Variants in AK9 observed in about 807,000 individuals in gnomAD.
The protein encoded by AK9 is adenylate kinase domain containing 1.
A neutral mutation model predicts 239.6 loss-of-function variants in AK9; 191 were observed. The observed-to-expected ratio is 0.80, with a 90% CI of 0.71 to 0.90. The LOEUF (loss-of-function observed/expected upper bound fraction) is 0.90. Among genes scored for constraint, AK9 ranks in the 40% least tolerant of loss-of-function variants. AK9 has a pLI of 0.00. For synonymous variants in AK9, 689 were observed against 721.0 expected, an observed-to-expected ratio of 0.96 and a Z score of 0.71; for missense variants, 1,995 against 2,214.7, an observed-to-expected ratio of 0.90 and a Z score of 1.99.
rs1284728894 is a variant in AK9, at chr6:109,545,974, G to T, written c.3118C>A (p.Pro1040Thr). 1.2e-6 allele frequency: 2 copies of T among 1,614,014 alleles called. No individual in the cohort carries two copies. The highest frequency in any genetic ancestry group is 2.7e-5 in the African/African-American group (2 of 74,906). The change falls in exon 26 of 41, where the codon CCT (proline) becomes ACT (threonine). Residue 1040 changes from proline to threonine, a missense_variant. By Grantham distance (38) the Pro-to-Thr change is conservative (BLOSUM62 -1). Transcript: ENST00000424296. ...LLLKTEKKVG[P>T]EFEEDSENEQ... ...TTCTCAGAATCTTCCTCAAATTCAGGTCCCACTTTCTTTTCAGTTTTGAGT... is the reference window on the plus strand; with the variant it reads ...TTCTCAGAATCTTCCTCAAATTCAGTTCCCACTTTCTTTTCAGTTTTGAGT...
chr6:109,506,332 T>C lies in AK9; in HGVS notation c.4844A>G (p.Lys1615Arg). 4 of 1,613,098 alleles carry C rather than the reference T, an allele frequency of 2.5e-6. No individual in the cohort carries two copies. Among genetic ancestry groups the C allele is most frequent in the Non-Finnish European group, 3.4e-6 (4 of 1,179,620 alleles). Residue 1615 changes from lysine (K) to arginine (R), a missense_variant, in exon 35 of 41, where the codon AAA becomes AGA. This residue lies in a region of AK9 where 391 missense variants were observed against 456.0 expected (regional missense o/e 0.86). Transcript: ENST00000424296. Reference protein sequence around the residue: ...KYMQTYLERIKAGKAACIDKL... With the variant: ...KYMQTYLERIRAGKAACIDKL... ...CTTAAAAAGTGCTATCTTACCTGCT[T>C]TTATTCTTTCCAGGTATGTCTGCAT...
chr6:109,571,001 C>T (rs749748288), intron 21 of AK9, among the ~76,000 whole-genome samples: 11 of 152,092 alleles, frequency 7.2e-5, no homozygotes, highest in Non-Finnish European at 1.3e-4. Flanking sequence ...GCAATGTCAA[C>T]ATGAGGAATT....
rs143248755 is a variant in AK9, at chr6:109,602,479, C to A, written c.1842+7886G>T. Among the ~76,000 whole-genome samples, 16 of 152,134 alleles carry A rather than the reference C, an allele frequency of 1.1e-4. No homozygotes were observed. The East Asian group carries it at 2.9e-3, about 28-fold the overall frequency. On this transcript the variant is annotated intron_variant, in intron 17 of 40. Coordinates refer to ENST00000424296, the MANE Select transcript of AK9 (RefSeq NM_001145128.3). ...GGTGGGCTTCTCTTTGTGGGTAACC[C>A]GACCTTTCTCTCTGGCTGCCCTTAA...
chr6:109,686,144 G>C (rs1221068808), intron 1 of AK9, among the ~76,000 whole-genome samples: 1 of 152,188 alleles, frequency 6.6e-6, no homozygotes, highest in African/African-American at 2.4e-5. Context: ...GGACTCTCCT[G>C]CTGTTTGAGA....
At chr6:109,548,149 T>C (rs1023741936) in intron 25 of AK9, among the ~76,000 whole-genome samples, 1 of 152,208 alleles carries the variant, frequency 6.6e-6, no homozygotes, top group Non-Finnish European at 1.5e-5. Flanking sequence ...GAAAACAGTA[T>C]GGAATTTTCT....
chr6:109,550,931 C>T (rs555380835), intron 24 of AK9, among the ~76,000 whole-genome samples: 7 of 151,958 alleles, frequency 4.6e-5, no homozygotes, highest in Non-Finnish European at 1.0e-4. Flanking sequence ...AAACACATCA[C>T]AATGTATAAA....
At position 109,614,179 on chromosome 6, in the gene AK9, T is replaced by C. The variant is rs1238021741; in HGVS notation, c.1609+4A>G. The stretch of plus-strand genomic sequence containing the variant: ...AACGTGGGATTAGCAGTTCACTTTG[T>C]TACCATCTTTATCAACTTTAGCAGC... On this transcript the variant is annotated splice_donor_region_variant and intron_variant, in intron 15 of 40. Transcript: ENST00000424296. The C allele has an allele frequency of 6.5e-7, 1 of 1,549,264 alleles. No homozygotes were observed. The highest frequency in any genetic ancestry group is 8.7e-7 in the Non-Finnish European group (1 of 1,144,914).
chr6:109,511,956 T>C (rs1186320395), intron 32 of AK9, among the ~76,000 whole-genome samples: 1 of 152,206 alleles, frequency 6.6e-6, no homozygotes, highest in Non-Finnish European at 1.5e-5. Context: ...AATATCATTA[T>C]CTTTGTGAAC....
rs373387914 is a variant in AK9, at chr6:109,679,614, G to A, written c.-11-3858C>T. ...AGTGCTTGAGCTCTGCTAAGGGTCA[G>A]ACTGCCTCCTGAAGTGGGTCCCTGA... On this transcript the variant is annotated intron_variant, in intron 1 of 40. Transcript: ENST00000424296. 1.6e-4 allele frequency among the ~76,000 whole-genome samples: 25 copies of A among 152,298 alleles called. No individual in the cohort carries two copies. The South Asian group carries it at 1.9e-3, about 11-fold the overall frequency.
chr6:109,494,759 T>TA (rs1416653987), intron 39 of AK9, among the ~76,000 whole-genome samples: 1 of 152,082 alleles, frequency 6.6e-6, no homozygotes, highest in Admixed American at 6.5e-5. Context: ...AGACTTTTTT[T>TA]AAAAAAAGCT....
At position 109,535,764 on chromosome 6, in the gene AK9, T is replaced by C. The variant is rs557020346; in HGVS notation, c.3351-2294A>G. On this transcript the variant is annotated intron_variant, in intron 27 of 40. Transcript: ENST00000424296. ...GTCTAACATTTAAGTCTTTAATCCA[T>C]CTTGAATTAATTTTTGTATAAGATG... 1.6e-4 allele frequency among the ~76,000 whole-genome samples: 25 copies of C among 152,342 alleles called. 1 individual carries two copies. Among genetic ancestry groups the C allele is most frequent in the Admixed American group, 1.3e-3 (20 of 15,304 alleles).
chr6:109,603,262 C>T (rs1486490689), intron 17 of AK9, among the ~76,000 whole-genome samples: 1 of 152,044 alleles, frequency 6.6e-6, no homozygotes, highest in African/African-American at 2.4e-5. Flanking sequence ...TGTGGGTGTC[C>T]TTTCTGTTTG....
chr6:109,528,708 G>A (rs1169488775), intron 29 of AK9: 1 of 493,926 alleles, frequency 2.0e-6, no homozygotes, highest in East Asian at 6.0e-5. Context: ...CTTGTAGCAA[G>A]TTGTATTTTC....
chr6:109,623,862 GACACACACACACACACACAC>G (rs567410173), intron 12 of AK9, among the ~76,000 whole-genome samples: 1 of 136,122 alleles, frequency 7.3e-6, no homozygotes, highest in Non-Finnish European at 1.6e-5. Flanking sequence ...AGGAATCTTA[GACACACACACACACACACAC>G]ACACACACAC....
chr6:109,675,096 T>C (rs1482534715), intron 2 of AK9, among the ~76,000 whole-genome samples: 6 of 151,918 alleles, frequency 3.9e-5, no homozygotes, highest in Non-Finnish European at 7.4e-5. Context: ...GGATCTCAGA[T>C]ATTAACAGGA....
chr6:109,495,982 TAAA>T (rs77612648), intron 38 of AK9, among the ~76,000 whole-genome samples: 2 of 141,892 alleles, frequency 1.4e-5, no homozygotes, highest in African/African-American at 2.6e-5. Context: ...ATTCCCCATT[TAAA>T]AAAAAAAAAA....
chr6:109,506,757 G>T lies in AK9; in HGVS notation c.4525C>A (p.Leu1509Ile), dbSNP rs963162791. The T allele has an allele frequency of 1.0e-4, 155 of 1,524,444 alleles. No individual in the cohort carries two copies. Among genetic ancestry groups the T allele is most frequent in the Non-Finnish European group, 1.3e-4 (150 of 1,128,044 alleles). The allele number at this position is 1,524,444 out of a possible 1,614,324, so 94.4% of individuals were successfully genotyped here. ...GGAATGATTGACCTAGCTTCCAAGA[G>T]ATTCATTTGATGTTTAGTTACAGGA... The part of the protein sequence containing the change: ...GYPVTKHQMN[L>I]LEARSIIPMV... The change falls in exon 34 of 41, where the codon CTC (leucine) becomes ATC (isoleucine). Residue 1509 changes from leucine to isoleucine, a missense_variant. By Grantham distance (5) the Leu-to-Ile change is conservative. Coordinates refer to ENST00000424296, the MANE Select transcript of AK9 (RefSeq NM_001145128.3).
chr6:109,565,935 A>G (rs1570011), intron 21 of AK9, among the ~76,000 whole-genome samples: 95,138 of 151,930 alleles, frequency 0.63, 30,468 homozygotes, highest in East Asian at 0.84. Context: ...CAAGCCTGGG[A>G]CTGGCCTGGT....
chr6:109,600,625 A>G (rs1422500555), intron 17 of AK9, among the ~76,000 whole-genome samples: 14 of 151,856 alleles, frequency 9.2e-5, no homozygotes, highest in African/African-American at 2.9e-4. Context: ...CTCTTTTTCT[A>G]TTGTTTGGAT....
Sources: gnomAD v4.1 joint callset for allele counts (sites outside exome capture counted in the v4.1 genomes callset) on GRCh38, gnomAD v4.1.1 for gene constraint, gnomAD v4.1.1 regional missense constraint, MANE v1.5 for transcripts, NCBI Gene and HGNC (gene_info 2026-07-23, HGNC 2026-07-21) for gene names.